EDIL3: variants seen among roughly 807,000 people sequenced by gnomAD.
The protein encoded by EDIL3 is EGF like and discoidin domains 3.
Under a neutral mutation model 67.4 loss-of-function variants are expected in EDIL3, and 37 were observed. That is an observed-to-expected ratio of 0.55 (90% CI 0.42 to 0.72). The LOEUF (loss-of-function observed/expected upper bound fraction) is 0.72, where lower values mean the gene tolerates loss of function less well. EDIL3 is among the 30% of genes least tolerant of loss of function. The pLI is 0.00. For synonymous variants in EDIL3, 195 were observed against 196.3 expected (o/e 0.99, Z 0.05); for missense variants, 527 against 586.3 (o/e 0.90, Z 1.04).
chr5:84,317,799 G>A (rs984337218), intron 1 of EDIL3, among the ~76,000 whole-genome samples: 3 of 152,136 alleles, frequency 2.0e-5, no homozygotes, highest in African/African-American at 7.2e-5. Flanking sequence ...CATAGTTTTG[G>A]AAGTTCTGCT....
At chr5:84,115,582 C>T (rs1434357642) in intron 5 of EDIL3, among the ~76,000 whole-genome samples, 2 of 152,100 alleles carry the variant, frequency 1.3e-5, no homozygotes, top group Non-Finnish European at 2.9e-5. Flanking sequence ...GACGATTATC[C>T]TCTTATCACA....
intron 4 of EDIL3, among the ~76,000 whole-genome samples, chr5:84,146,598 C>T (rs6872224): frequency 1.3e-5 from 2 of 152,106 alleles, no homozygotes; most frequent in Non-Finnish European, 1.5e-5. Context: ...TCCCTTTATT[C>T]GTCTTAGTAA....
chr5:84,254,460 T>C (rs1274589744), intron 1 of EDIL3, among the ~76,000 whole-genome samples: 1 of 152,204 alleles, frequency 6.6e-6, no homozygotes, highest in Admixed American at 6.5e-5. Flanking sequence ...AGTTTGGAGT[T>C]CCTTCATAAT....
chr5:84,317,832 G>A (rs560677519), intron 1 of EDIL3, among the ~76,000 whole-genome samples: 20 of 152,254 alleles, frequency 1.3e-4, no homozygotes, highest in African/African-American at 4.8e-4. Flanking sequence ...GCAAGAGAAA[G>A]AAATAAAGAG....
chr5:84,322,514 T>C (rs375043461), intron 1 of EDIL3, among the ~76,000 whole-genome samples: 4 of 152,036 alleles, frequency 2.6e-5, no homozygotes, highest in South Asian at 4.2e-4. Context: ...ACAATGTAAA[T>C]AAGTGAGTCT....
intron 4 of EDIL3, among the ~76,000 whole-genome samples, chr5:84,151,813 T>C (rs1278753590): frequency 3.9e-5 from 6 of 152,160 alleles, no homozygotes; most frequent in Non-Finnish European, 2.9e-5. Context: ...CATTGATGTG[T>C]ATGTTTTCTG....
chr5:84,249,407 C>G (rs1362203906), intron 2 of EDIL3, among the ~76,000 whole-genome samples: 3 of 151,514 alleles, frequency 2.0e-5, no homozygotes, highest in Admixed American at 6.6e-5. Context: ...ATCTATCTAT[C>G]TATCTATCTA....
At chr5:84,026,626 T>C (rs1745820989) in intron 9 of EDIL3, among the ~76,000 whole-genome samples, 1 of 152,200 alleles carries the variant, frequency 6.6e-6, no homozygotes, top group Non-Finnish European at 1.5e-5. Flanking sequence ...AGTACAAAAT[T>C]TTGCTATCTC....
At chr5:83,967,946 T>C (rs1037027375) in intron 9 of EDIL3, among the ~76,000 whole-genome samples, 2 of 152,140 alleles carry the variant, frequency 1.3e-5, no homozygotes, top group African/African-American at 4.8e-5. Flanking sequence ...TATGACTTCA[T>C]AGAGTTTGTA....
chr5:84,185,887 CTGTT>C (rs1421411505), intron 3 of EDIL3, among the ~76,000 whole-genome samples: 3 of 152,088 alleles, frequency 2.0e-5, no homozygotes, highest in African/African-American at 4.8e-5. Context: ...ATCTCATTAA[CTGTT>C]TGAGTTACTT....
chr5:84,272,233 T>C (rs184674361), intron 1 of EDIL3, among the ~76,000 whole-genome samples: 85 of 152,130 alleles, frequency 5.6e-4, no homozygotes, highest in African/African-American at 2.0e-3. Context: ...TGAGATCAAT[T>C]GAAATTTTAA....
intron 1 of EDIL3, among the ~76,000 whole-genome samples, chr5:84,378,547 T>C (rs1421230678): frequency 6.6e-6 from 1 of 152,224 alleles, no homozygotes; most frequent in Non-Finnish European, 1.5e-5. Context: ...ATTCAGTTTA[T>C]AGAGGACCCA....
Position 84,180,424 on chromosome 5 carries a change from G to A in EDIL3, c.324C>T (p.Pro108=). ...DTFIGYVCKC[P]RGFNGIHCQH... ...GACAGTGAATCCCATTAAATCCTCG[G>A]GGACATTTACAAACATAGCCTATGA... The change falls in exon 4 of 11, where the codon CCC becomes CCT. Residue 108 remains proline, a synonymous_variant. Transcript: ENST00000296591. 6.2e-7 allele frequency: 1 copy of A among 1,603,848 alleles called. No homozygotes were observed. The highest frequency in any genetic ancestry group is 8.5e-7 in the Non-Finnish European group (1 of 1,175,518).
intron 3 of EDIL3, among the ~76,000 whole-genome samples, chr5:84,201,975 G>C (rs918772232): frequency 1.3e-5 from 2 of 152,100 alleles, no homozygotes; most frequent in Admixed American, 6.6e-5. Flanking sequence ...GTGTTGTAAA[G>C]AGTTTTAGAA....
chr5:84,294,384 C>CAAAA (rs1173407354), intron 1 of EDIL3, among the ~76,000 whole-genome samples: 1 of 31,802 alleles, frequency 3.1e-5, no homozygotes, highest in Non-Finnish European at 7.2e-5. Flanking sequence ...GACTCTGTCT[C>CAAAA]AAAAAAAAAA....
intron 1 of EDIL3, among the ~76,000 whole-genome samples, chr5:84,328,806 G>C (rs1746816795): frequency 6.6e-6 from 1 of 152,060 alleles, no homozygotes. Flanking sequence ...GCATCTGTAA[G>C]ATTATTTCAA....
At chr5:84,221,323 A>G (rs1291278624) in intron 3 of EDIL3, among the ~76,000 whole-genome samples, 1 of 152,160 alleles carries the variant, frequency 6.6e-6, no homozygotes, top group African/African-American at 2.4e-5. Context: ...ATGTATGTCA[A>G]GATGTAAAGA....
intron 1 of EDIL3, among the ~76,000 whole-genome samples, chr5:84,290,353 C>A (rs1745889274): frequency 6.6e-6 from 1 of 152,132 alleles, no homozygotes; most frequent in Non-Finnish European, 1.5e-5. Context: ...CCCTTACTCC[C>A]TCTAAGAGCT....
chr5:84,338,618 T>A (rs1747035830), intron 1 of EDIL3, among the ~76,000 whole-genome samples: 1 of 152,146 alleles, frequency 6.6e-6, no homozygotes, highest in Non-Finnish European at 1.5e-5. Context: ...ACCCTTTGGT[T>A]AAATAAGCCT....
Sources: allele counts gnomAD v4.1 joint callset (sites outside exome capture counted in the v4.1 genomes callset), GRCh38; gene constraint gnomAD v4.1.1; transcripts MANE v1.5; gene names NCBI Gene and HGNC (gene_info 2026-07-23, HGNC 2026-07-21).